PDE3A: variants seen among roughly 807,000 people sequenced by gnomAD.
PDE3A encodes the protein cGMP-inhibited 3',5'-cyclic phosphodiesterase 3A.
A neutral mutation model predicts 98.3 loss-of-function variants in PDE3A; 43 were observed. The observed-to-expected ratio is 0.44, with a 90% CI of 0.34 to 0.56. The LOEUF (loss-of-function observed/expected upper bound fraction) is 0.56. Among genes scored for constraint, PDE3A ranks in the 20% least tolerant of loss-of-function variants. The pLI, the probability that PDE3A is intolerant of heterozygous loss-of-function variation, is 0.01. For synonymous variants in PDE3A, 663 were observed against 567.9 expected, an observed-to-expected ratio of 1.17 and a Z score of -2.38; for missense variants, 1,427 against 1,440.7, an observed-to-expected ratio of 0.99 and a Z score of 0.15.
At position 20,370,303 on chromosome 12, in the gene PDE3A, G is replaced by A. The variant is rs539801698; in HGVS notation, c.960+59G>A. ...AAACTTGAAACACTTGGCAACCGGCGCAGAGTGGAGAGAATCCGAGCGCTG... is the reference window on the plus strand; with the variant it reads ...AAACTTGAAACACTTGGCAACCGGCACAGAGTGGAGAGAATCCGAGCGCTG... On this transcript the variant is annotated intron_variant, in intron 1 of 15. Transcript: ENST00000359062. 8.3e-6 allele frequency: 12 copies of A among 1,442,190 alleles called. No homozygotes were observed. The African/African-American group carries it at 1.6e-4, about 19-fold the overall frequency. The allele number at this position is 1,442,190 out of a possible 1,614,324, so 89.3% of individuals were successfully genotyped here.
intron 5 of PDE3A, among the ~76,000 whole-genome samples, chr12:20,629,650 C>G (rs1279998622): frequency 6.6e-6 from 1 of 152,154 alleles, no homozygotes; most frequent in Non-Finnish European, 1.5e-5. Context: ...TGAAGTTACT[C>G]CACGACACCA....
intron 1 of PDE3A, among the ~76,000 whole-genome samples, chr12:20,384,158 C>T (rs1156974878): frequency 2.7e-5 from 4 of 148,300 alleles, no homozygotes; most frequent in African/African-American, 7.4e-5. Context: ...TTATTTCTTG[C>T]TTTAAAAATA....
At chr12:20,624,635 G>T (rs1944215274) in intron 5 of PDE3A, among the ~76,000 whole-genome samples, 1 of 152,146 alleles carries the variant, frequency 6.6e-6, no homozygotes, top group Non-Finnish European at 1.5e-5. Flanking sequence ...TTAGACAGCT[G>T]TCACAGCACA....
chr12:20,573,366 G>A (rs1162687879), intron 2 of PDE3A, among the ~76,000 whole-genome samples: 1 of 151,334 alleles, frequency 6.6e-6, no homozygotes, highest in Non-Finnish European at 1.5e-5. Context: ...AGTTCCATGG[G>A]AAACAGGACA....
At chr12:20,433,023 C>T (rs1001206537) in intron 1 of PDE3A, among the ~76,000 whole-genome samples, 1 of 152,150 alleles carries the variant, frequency 6.6e-6, no homozygotes, top group African/African-American at 2.4e-5. Flanking sequence ...TTTTGCCCTC[C>T]TCTAAATGAA....
intron 1 of PDE3A, among the ~76,000 whole-genome samples, chr12:20,387,330 T>C (rs970945728): frequency 2.6e-5 from 4 of 152,084 alleles, no homozygotes; most frequent in Non-Finnish European, 5.9e-5. Context: ...GGTAGTTTAA[T>C]GGGAATAGCT....
At chr12:20,541,075 CTTTTTTTTTTTTTTTTTTTTTTTTTTT>C (rs777927679) in intron 1 of PDE3A, among the ~76,000 whole-genome samples, 2 of 52,958 alleles carry the variant, frequency 3.8e-5, no homozygotes, top group African/African-American at 1.4e-4. Flanking sequence ...TGGTAACTTT[CTTTTTTTTTTTTTTTTTTTTTTTTTTT>C]TTTTTTTTTT....
intron 15 of PDE3A, 106 bp from the exon 16 acceptor site, chr12:20,679,924 A>G (rs1592181233): frequency 2.9e-6 from 1 of 340,320 alleles, no homozygotes; most frequent in Non-Finnish European, 5.5e-6. Context: ...TAATATAATA[A>G]GGTTATGGAT....
intron 1 of PDE3A, among the ~76,000 whole-genome samples, chr12:20,534,000 G>A (rs1941689599): frequency 6.6e-6 from 1 of 151,760 alleles, no homozygotes; most frequent in Admixed American, 6.6e-5. Flanking sequence ...CACATTCTTA[G>A]CATCTGCCAG....
At chr12:20,474,210 G>A (rs191550374) in intron 1 of PDE3A, among the ~76,000 whole-genome samples, 4 of 152,210 alleles carry the variant, frequency 2.6e-5, no homozygotes, top group East Asian at 3.9e-4. Context: ...TGATGTTGAA[G>A]CTCTTTTTAT....
chr12:20,493,164 A>C (rs1390859262), intron 1 of PDE3A, among the ~76,000 whole-genome samples: 2 of 152,168 alleles, frequency 1.3e-5, no homozygotes, highest in Non-Finnish European at 2.9e-5. Context: ...TAATTCATTT[A>C]TGAATTATGA....
intron 1 of PDE3A, among the ~76,000 whole-genome samples, chr12:20,385,544 G>A (rs550762805): frequency 2.0e-5 from 3 of 151,950 alleles, no homozygotes; most frequent in Admixed American, 2.0e-4. Context: ...CAAGCCAAAT[G>A]TCCAACAATG....
chr12:20,553,025 C>A, intron 1 of PDE3A: 5 of 1,497,476 alleles, frequency 3.3e-6, no homozygotes, highest in Non-Finnish European at 4.6e-6. Context: ...CCAAGCACTT[C>A]TCGACAGGCG....
Position 20,617,958 on chromosome 12 carries a change from C to T in PDE3A, c.1424+1574C>T, listed in dbSNP as rs145884832. ...CATTCTTCTTTGTAAAATGGATCATCCAAATATTTACAATAGAAATAAGGA... is the reference window on the plus strand; with the variant it reads ...CATTCTTCTTTGTAAAATGGATCATTCAAATATTTACAATAGAAATAAGGA... On this transcript the variant is annotated intron_variant, in intron 4 of 15. Transcript: ENST00000359062. Among the ~76,000 whole-genome samples the T allele has an allele frequency of 8.7e-3, 1,320 of 152,092 alleles. 5 individuals carry two copies. The highest frequency in any genetic ancestry group is 0.038 in the Middle Eastern group (11 of 292).
chr12:20,463,548 G>A (rs1208277680), intron 1 of PDE3A, among the ~76,000 whole-genome samples: 2 of 151,896 alleles, frequency 1.3e-5, no homozygotes, highest in African/African-American at 2.4e-5. Context: ...CTAAGCCTAT[G>A]GTAAATATAT....
rs983512067 is a variant in PDE3A at position 20,685,452 on chromosome 12, A to G, written c.*5181A>G. Among the ~76,000 whole-genome samples the G allele has an allele frequency of 2.6e-5, 4 of 151,214 alleles. No homozygotes were observed. Among genetic ancestry groups the G allele is most frequent in the Non-Finnish European group, 4.4e-5 (3 of 67,772 alleles). The stretch of plus-strand genomic sequence containing the variant: ...AAAAAAGAACATTTTTTGGCAAAAT[A>G]TGAAGACACGAAACTGAAGATAAAG... On this transcript the variant is annotated 3_prime_UTR_variant, in exon 16 of 16. Transcript: ENST00000359062.
At chr12:20,400,644 T>C (rs1043165904) in intron 1 of PDE3A, among the ~76,000 whole-genome samples, 1 of 152,072 alleles carries the variant, frequency 6.6e-6, no homozygotes, top group Non-Finnish European at 1.5e-5. Context: ...GGTCTCGATC[T>C]CCTGACCTCG....
chr12:20,645,917 A>T (rs1306611555), intron 10 of PDE3A, among the ~76,000 whole-genome samples: 1 of 152,238 alleles, frequency 6.6e-6, no homozygotes, highest in Non-Finnish European at 1.5e-5. Context: ...TTCTGAAATT[A>T]GAATTTCTAG....
At chr12:20,597,361 TTAGGTGTTGGATC>T (rs1314595390) in intron 2 of PDE3A, among the ~76,000 whole-genome samples, 1 of 152,124 alleles carries the variant, frequency 6.6e-6, no homozygotes, top group African/African-American at 2.4e-5. Context: ...AAGATAAGAC[TTAGGTGTTGGATC>T]TATGAGACTT....
Sources: gnomAD v4.1 joint callset for allele counts (sites outside exome capture counted in the v4.1 genomes callset) on GRCh38, gnomAD v4.1.1 for gene constraint, MANE v1.5 for transcripts, NCBI Gene and HGNC (gene_info 2026-07-23, HGNC 2026-07-21) for gene names.